The following PIGG variants were observed in gnomAD, a reference collection of about 807,000 sequenced individuals.
PIGG encodes phosphatidylinositol glycan anchor biosynthesis class G (EMM blood group), also known as GPI ethanolamine phosphate transferase 2, catalytic subunit.
PIGG carries 70 observed loss-of-function variants against 83.2 expected under a neutral mutation model. The ratio of observed to expected loss-of-function variants is 0.84; its 90% CI spans 0.69 to 1.03. The LOEUF is 1.03. PIGG is among the 50% of genes least tolerant of loss of function. PIGG has a pLI of 0.00. For synonymous variants in PIGG, 532 were observed against 519.5 expected (o/e 1.02, Z -0.33); for missense variants, 1,257 against 1,233.6 (o/e 1.02, Z -0.28).
intron 6 of PIGG, among the ~76,000 whole-genome samples, chr4:518,454 A>G (rs547202382): frequency 2.8e-4 from 42 of 152,150 alleles, no homozygotes; most frequent in East Asian, 1.5e-3. Context: ...TTAGTTGGGC[A>G]TGGTGGCAGG....
At chr4:518,120 G>A (rs987786159) in intron 6 of PIGG, among the ~76,000 whole-genome samples, 2 of 152,200 alleles carry the variant, frequency 1.3e-5, no homozygotes, top group African/African-American at 2.4e-5. Flanking sequence ...AGGCCCCACC[G>A]AGCACCAGCT....
rs987909017 is a variant in PIGG at position 532,101 on chromosome 4, T to C, written c.2571+1356T>C. ...CCCATCCCTACTTCCTGCCCTCGAC[T>C]GGGCAGTTCCTTAACAGATCAGGGA... On this transcript the variant is annotated intron_variant, in intron 11 of 12. Transcript: ENST00000453061. 2.6e-5 allele frequency: 4 copies of C among 152,400 alleles called. No individual in the cohort carries two copies. The East Asian group carries it at 7.7e-4, about 29-fold the overall frequency. 9.4% of individuals were successfully genotyped at this position (152,400 alleles called of 1,614,324 possible).
In PIGG at chr4:512,603, G is replaced by T. The variant is rs535301355; in HGVS notation, c.902-3370G>T. On this transcript the variant is annotated intron_variant, in intron 5 of 12. Coordinates refer to ENST00000453061, the MANE Select transcript of PIGG (RefSeq NM_001127178.3). ...AGGCCAAGGCGGGTGGATCACAAGGGCAGAAGTTCGAGACCAGCCTGACCA... is the reference window on the plus strand; with the variant it reads ...AGGCCAAGGCGGGTGGATCACAAGGTCAGAAGTTCGAGACCAGCCTGACCA... Among the ~76,000 whole-genome samples the T allele has an allele frequency of 3.4e-3, 513 of 151,948 alleles. 1 individual carries two copies. The highest frequency in any genetic ancestry group is 4.9e-3 in the East Asian group (25 of 5,080).
Position 528,700 on chromosome 4 carries a change from AAT to A in PIGG, c.2261+1472_2261+1473del. On this transcript the variant is annotated intron_variant, in intron 10 of 12. Transcript: ENST00000453061. The surrounding 1 kb of genome is among the most constrained non-coding windows in gnomAD (Gnocchi z 4.8). ...GTGTGTGTTTAAGGTGCAGCGTATG[AAT>A]AAATTCATTTCCTCACAGATCTATA... The A allele has an allele frequency of 1.0e-6, 1 of 985,370 alleles. No homozygotes were observed. Among genetic ancestry groups the A allele is most frequent in the Non-Finnish European group, 1.2e-6 (1 of 829,878 alleles). The allele number at this position is 985,370 out of a possible 1,614,324, so 61.0% of individuals were successfully genotyped here. A position where few individuals can be genotyped will look rare whatever the true frequency, so the allele number is the denominator to read the frequency against.
At chr4:507,623 G>A (rs782346053) in intron 4 of PIGG, 30 bp downstream of exon 4, 1 of 1,577,198 alleles carries the variant, frequency 6.3e-7, no homozygotes, top group South Asian at 1.1e-5. Flanking sequence ...ACTGTCTGCT[G>A]ATGTGGTTTC....
intron 9 of PIGG, chr4:525,418 G>A (rs933979696): frequency 4.8e-5 from 45 of 938,986 alleles, no homozygotes; most frequent in African/African-American, 2.8e-4. Flanking sequence ...CAAGGGTTGC[G>A]GTCCCGTCAC....
intron 12 of PIGG, 44 bp from the exon 13 acceptor site, chr4:539,109 T>C (rs755699270): frequency 1.6e-6 from 2 of 1,218,556 alleles, no homozygotes; most frequent in Admixed American, 1.7e-5. Context: ...ATGTGTGATA[T>C]GTAAGTGGCA....
At chr4:526,428 C>T (rs1231887943) in intron 9 of PIGG, among the ~76,000 whole-genome samples, 4 of 152,352 alleles carry the variant, frequency 2.6e-5, no homozygotes, top group East Asian at 3.9e-4. Context: ...GTCGGGACTC[C>T]GGGCTCTGCC....
chr4:523,247 G>A (rs919275600), intron 8 of PIGG, among the ~76,000 whole-genome samples: 4 of 152,184 alleles, frequency 2.6e-5, no homozygotes, highest in African/African-American at 9.6e-5. Context: ...CTGGGCTGAG[G>A]GCGTCTCCAC....
rs575585870 is a variant in PIGG at position 530,174 on chromosome 4, C to T, written c.2262-262C>T. 7.2e-5 allele frequency among the ~76,000 whole-genome samples: 11 copies of T among 152,180 alleles called. No individual in the cohort carries two copies. The South Asian group carries it at 1.0e-3, about 14-fold the overall frequency. ...ATGAGCCAAATGAGCAAGATCTCCC[C>T]GAAGCCAGCCCCAGCGGAAGAGTCT... On this transcript the variant is annotated intron_variant, in intron 10 of 12. Coordinates refer to ENST00000453061, the MANE Select transcript of PIGG (RefSeq NM_001127178.3).
rs782043428 is a variant in PIGG, at chr4:500,497, G to T, written c.256G>T (p.Gly86Cys). ...AGATGATTTTGTGTTTGGGTCAAAG[G>T]GTGTGAAATTTATGCCCTACACAAC... ...LRDDFVFGSKGVKFMPYTTYL... is the reference protein window; with the variant it reads ...LRDDFVFGSKCVKFMPYTTYL... The change falls in exon 2 of 13, where the codon GGT becomes TGT. Residue 86 changes from glycine to cysteine, a missense_variant. Gly to Cys is a radical substitution (Grantham distance 159). Coordinates refer to ENST00000453061, the MANE Select transcript of PIGG (RefSeq NM_001127178.3). 3.1e-5 allele frequency: 50 copies of T among 1,613,086 alleles called. No homozygotes were observed. Among genetic ancestry groups the T allele is most frequent in the Non-Finnish European group, 1.3e-5 (15 of 1,179,276 alleles).
At chr4:526,597 C>T (rs1005168723) in intron 9 of PIGG, among the ~76,000 whole-genome samples, 1 of 152,132 alleles carries the variant, frequency 6.6e-6, no homozygotes, top group African/African-American at 2.4e-5. Context: ...GGGCTGACCC[C>T]GAGAGGGTAC....
chr4:538,602 C>T (rs1731317697), intron 12 of PIGG, among the ~76,000 whole-genome samples: 1 of 152,146 alleles, frequency 6.6e-6, no homozygotes, highest in Non-Finnish European at 1.5e-5. Context: ...TTACAGATGA[C>T]GGTGGCAGAC....
intron 11 of PIGG, 113 bp downstream of exon 11, chr4:530,858 G>GCCACACTGTCAGTGTGGCAGT: frequency 1.4e-6 from 1 of 739,042 alleles, no homozygotes; most frequent in East Asian, 2.5e-5. Context: ...AGTGTGGCAT[G>GCCACACTGTCAGTGTGGCAGT]GTGAATTACG....
intron 10 of PIGG, chr4:527,877 T>C: frequency 1.0e-6 from 1 of 985,452 alleles, no homozygotes; most frequent in East Asian, 1.1e-4. Context: ...TTGTAACATG[T>C]GGGTGACCCT....
chr4:511,417 C>T (rs919567021), intron 5 of PIGG, among the ~76,000 whole-genome samples: 1 of 152,098 alleles, frequency 6.6e-6, no homozygotes, highest in Middle Eastern at 3.4e-3. Context: ...GTTGTTTCCA[C>T]TTTCTGGCTG....
intron 5 of PIGG, among the ~76,000 whole-genome samples, chr4:511,190 G>C (rs528232021): frequency 1.3e-5 from 2 of 151,912 alleles, no homozygotes; most frequent in Admixed American, 6.6e-5. Context: ...CTACTTGGGA[G>C]GCTGAGGCAG....
rs778554702 is a variant in PIGG, at chr4:527,022, TTTCCA to T, written c.2070-15_2070-11del. On this transcript the variant is annotated splice_polypyrimidine_tract_variant and intron_variant, in intron 9 of 12. Transcript: ENST00000453061. ...CTGTTTGTTTACGTAATGCTGGCAT[TTTCCA>T]TCTCATTTCAGCTCTGACCACAAAG... is the stretch of plus-strand genomic sequence containing the variant. The T allele has an allele frequency of 6.2e-7, 1 of 1,614,108 alleles. No individual in the cohort carries two copies. Among genetic ancestry groups the T allele is most frequent in the South Asian group, 1.1e-5 (1 of 91,068 alleles).
chr4:504,159 C>A (rs988390804), intron 2 of PIGG, among the ~76,000 whole-genome samples: 1 of 152,136 alleles, frequency 6.6e-6, no homozygotes, highest in African/African-American at 2.4e-5. Context: ...CGGGAGCGTG[C>A]GGCAACTGAT....
Sources: allele counts gnomAD v4.1 joint callset (sites outside exome capture counted in the v4.1 genomes callset), GRCh38; gene constraint gnomAD v4.1.1; non-coding constraint Gnocchi (gnomAD v3.1); transcripts MANE v1.5; gene names NCBI Gene and HGNC (gene_info 2026-07-23, HGNC 2026-07-21).